Variants in AFG1L observed in about 807,000 individuals in gnomAD.
AFG1L encodes AFG1-like ATPase.
Under a neutral mutation model 62.2 loss-of-function variants are expected in AFG1L, and 53 were observed. That is an observed-to-expected ratio of 0.85 (90% CI 0.68 to 1.07). AFG1L has a LOEUF of 1.07. AFG1L is among the 50% of genes least tolerant of loss of function. The pLI, the probability that AFG1L is intolerant of heterozygous loss-of-function variation, is 0.00. For missense variants in AFG1L, 555 were observed against 590.5 expected, an observed-to-expected ratio of 0.94 and a Z score of 0.62; for synonymous variants, 228 against 210.3, an observed-to-expected ratio of 1.08 and a Z score of -0.73.
rs530993671 is a variant in AFG1L, at chr6:108,305,574, G to A, written c.139+10356G>A. Among the ~76,000 whole-genome samples, 6 of 151,390 alleles carry A rather than the reference G, an allele frequency of 4.0e-5. No individual in the cohort carries two copies. In the South Asian group the frequency reaches 6.3e-4, roughly 16 times the overall value. On this transcript the variant is annotated intron_variant, in intron 1 of 12. Coordinates refer to ENST00000368977, the MANE Select transcript of AFG1L (RefSeq NM_145315.5). ...CGGCTAATGTTTGTATTTTTTTTTC[G>A]TGAACCTCTAAGTCTACTTTATAAT...
At chr6:108,309,117 T>C (rs1206996799) in intron 1 of AFG1L, among the ~76,000 whole-genome samples, 3 of 152,242 alleles carry the variant, frequency 2.0e-5, no homozygotes, top group East Asian at 3.8e-4. Context: ...TATGTTCTTT[T>C]AGAAGCTTTA....
chr6:108,295,303 C>T (rs942714671), intron 1 of AFG1L, 85 bp downstream of exon 1: 11 of 1,448,174 alleles, frequency 7.6e-6, no homozygotes, highest in African/African-American at 1.4e-5. Flanking sequence ...CCGATCTACC[C>T]CAGGTGTCTC....
At chr6:108,338,986 G>T (rs1201893196) in intron 2 of AFG1L, among the ~76,000 whole-genome samples, 3 of 151,944 alleles carry the variant, frequency 2.0e-5, no homozygotes, top group Admixed American at 2.0e-4. Flanking sequence ...TGTTAATACA[G>T]TGTCCTCTCA....
chr6:108,489,150 G>C (rs986241019), intron 10 of AFG1L, among the ~76,000 whole-genome samples: 1 of 152,068 alleles, frequency 6.6e-6, no homozygotes, highest in Non-Finnish European at 1.5e-5. Flanking sequence ...AGTCTTATAC[G>C]GATGTCTAAA....
chr6:108,433,935 G>C (rs1198269942), intron 7 of AFG1L, among the ~76,000 whole-genome samples: 2 of 152,180 alleles, frequency 1.3e-5, no homozygotes, highest in Non-Finnish European at 2.9e-5. Context: ...AACTTTAGAA[G>C]AAGAGACTAT....
At chr6:108,467,086 G>C (rs1225605136) in intron 8 of AFG1L, among the ~76,000 whole-genome samples, 3 of 152,130 alleles carry the variant, frequency 2.0e-5, no homozygotes, top group African/African-American at 7.2e-5. Context: ...TGCACTCTTA[G>C]AGATTTGACC....
chr6:108,407,842 G>A (rs1477040705), intron 7 of AFG1L, among the ~76,000 whole-genome samples: 2 of 152,126 alleles, frequency 1.3e-5, no homozygotes, highest in East Asian at 3.8e-4. Flanking sequence ...GTACATATGA[G>A]GAGGGATAGG....
intron 11 of AFG1L, among the ~76,000 whole-genome samples, chr6:108,519,148 C>A (rs898254587): frequency 2.0e-5 from 3 of 152,122 alleles, no homozygotes; most frequent in Non-Finnish European, 4.4e-5. Context: ...TTTGTTGCCA[C>A]CAGAGGGCAC....
At chr6:108,432,008 T>G (rs1053244958) in intron 7 of AFG1L, among the ~76,000 whole-genome samples, 3 of 150,366 alleles carry the variant, frequency 2.0e-5, no homozygotes, top group African/African-American at 7.4e-5. Context: ...AGTGATACAC[T>G]TGTAGTTCGA....
chr6:108,316,380 CAAAAAAAAAAA>C (rs768461563), intron 1 of AFG1L, among the ~76,000 whole-genome samples: 5 of 18,842 alleles, frequency 2.7e-4, no homozygotes, highest in African/African-American at 4.4e-4. Flanking sequence ...GACTCCGTCT[CAAAAAAAAAAA>C]AAAAAAAAAA....
At chr6:108,409,107 A>G (rs1781990606) in intron 7 of AFG1L, among the ~76,000 whole-genome samples, 1 of 152,224 alleles carries the variant, frequency 6.6e-6, no homozygotes, top group Non-Finnish European at 1.5e-5. Context: ...ATCTATTCCT[A>G]TCTCAACTGT....
At chr6:108,418,359 C>T (rs1289109101) in intron 7 of AFG1L, among the ~76,000 whole-genome samples, 1 of 152,166 alleles carries the variant, frequency 6.6e-6, no homozygotes, top group South Asian at 2.1e-4. Context: ...TGAGTGGCTG[C>T]AGTGGAGACT....
chr6:108,392,088 G>A (rs890944135), intron 6 of AFG1L: 1 of 152,118 alleles, frequency 6.6e-6, no homozygotes, highest in Non-Finnish European at 1.5e-5. Flanking sequence ...TGCTTTGGAA[G>A]CACATATATT....
intron 11 of AFG1L, among the ~76,000 whole-genome samples, chr6:108,517,291 G>C (rs1308994197): frequency 6.6e-6 from 1 of 152,132 alleles, no homozygotes; most frequent in Non-Finnish European, 1.5e-5. Context: ...CATGTTACTG[G>C]TACCAAAACA....
chr6:108,412,229 G>A (rs1414340885), intron 7 of AFG1L, among the ~76,000 whole-genome samples: 1 of 152,148 alleles, frequency 6.6e-6, no homozygotes. Context: ...AGAGTAAAAA[G>A]CAACAAACAA....
chr6:108,481,084 G>A (rs1773306596), intron 10 of AFG1L, among the ~76,000 whole-genome samples: 1 of 152,206 alleles, frequency 6.6e-6, no homozygotes, highest in Non-Finnish European at 1.5e-5. Context: ...CCAAGCCTTA[G>A]GCAGCCTCAT....
At chr6:108,519,465 G>T (rs1178872304) in intron 11 of AFG1L, among the ~76,000 whole-genome samples, 1 of 152,246 alleles carries the variant, frequency 6.6e-6, no homozygotes, top group South Asian at 2.1e-4. Flanking sequence ...AAACCTTTGT[G>T]CCCTACTTCA....
intron 5 of AFG1L, among the ~76,000 whole-genome samples, chr6:108,364,287 A>T (rs1044267165): frequency 8.5e-5 from 13 of 152,150 alleles, no homozygotes; most frequent in African/African-American, 2.9e-4. Flanking sequence ...ACAGCAAGTG[A>T]CTCCTGCTTT....
chr6:108,516,082 G>A (rs988430106), intron 11 of AFG1L, among the ~76,000 whole-genome samples: 12 of 143,436 alleles, frequency 8.4e-5, no homozygotes, highest in African/African-American at 2.8e-4. Context: ...ACAAGGAGGA[G>A]CTGGTACCAT....
Sources: gnomAD v4.1 joint callset for allele counts (sites outside exome capture counted in the v4.1 genomes callset) on GRCh38, gnomAD v4.1.1 for gene constraint, MANE v1.5 for transcripts, NCBI Gene and HGNC (gene_info 2026-07-23, HGNC 2026-07-21) for gene names.